The following SGCZ variants were observed in gnomAD, a reference collection of about 807,000 sequenced individuals.
SGCZ encodes the protein zeta-sarcoglycan.
A neutral mutation model predicts 41.3 loss-of-function variants in SGCZ; 40 were observed. That is an observed-to-expected ratio of 0.97 (90% CI 0.75 to 1.26). SGCZ has a LOEUF of 1.26. Ranked by LOEUF, SGCZ falls within the 50% of genes most tolerant of loss-of-function variation. SGCZ has a pLI of 0.00. For missense variants in SGCZ, 552 were observed against 369.8 expected (o/e 1.49, Z -4.04); for synonymous variants, 206 against 137.5 (o/e 1.50, Z -3.49).
rs545923340 is a variant in SGCZ at position 15,076,202 on chromosome 8, C to G, written c.39+161383G>C. Among the ~76,000 whole-genome samples the G allele has an allele frequency of 2.6e-5, 4 of 152,150 alleles. No individual in the cohort carries two copies. In the East Asian group the frequency reaches 7.8e-4, roughly 29 times the overall value. ...CATTCTTAGAAATTTTTCATGACTT[C>G]TATTTTTTGGCCAGTCTCAGAAATT... On this transcript the variant is annotated intron_variant, in intron 1 of 7. Coordinates refer to ENST00000382080, the MANE Select transcript of SGCZ (RefSeq NM_139167.4).
chr8:14,531,581 G>C (rs1012114737), intron 2 of SGCZ, among the ~76,000 whole-genome samples: 2 of 151,968 alleles, frequency 1.3e-5, no homozygotes, highest in African/African-American at 2.4e-5. Flanking sequence ...AAAAATGTAA[G>C]AATTCTAAAA....
chr8:14,664,515 G>C (rs1807846860), intron 1 of SGCZ, among the ~76,000 whole-genome samples: 1 of 152,120 alleles, frequency 6.6e-6, no homozygotes, highest in African/African-American at 2.4e-5. Context: ...ATTTCAACTA[G>C]GGAATCAAGA....
chr8:14,724,913 C>T (rs1253376835), intron 1 of SGCZ, among the ~76,000 whole-genome samples: 1 of 151,944 alleles, frequency 6.6e-6, no homozygotes, highest in South Asian at 2.1e-4. Flanking sequence ...CCATAGTCGC[C>T]CTATAGTGCT....
At chr8:14,864,536 T>C (rs1440088589) in intron 1 of SGCZ, among the ~76,000 whole-genome samples, 2 of 152,182 alleles carry the variant, frequency 1.3e-5, no homozygotes, top group African/African-American at 4.8e-5. Context: ...TAGAATCTTG[T>C]GTCCCGGTGA....
chr8:14,769,848 C>T (rs955399550), intron 1 of SGCZ, among the ~76,000 whole-genome samples: 10 of 114,702 alleles, frequency 8.7e-5, no homozygotes, highest in Admixed American at 3.9e-4. Flanking sequence ...GGCTCCACTT[C>T]TTGCTGGAAA....
intron 2 of SGCZ, among the ~76,000 whole-genome samples, chr8:14,514,741 A>G (rs1802564340): frequency 1.4e-5 from 2 of 147,574 alleles, no homozygotes; most frequent in African/African-American, 2.5e-5. Flanking sequence ...ACATATATGT[A>G]AATATATGTA....
chr8:14,208,729 AACTTG>A (rs1805699455), intron 4 of SGCZ, among the ~76,000 whole-genome samples: 1 of 152,188 alleles, frequency 6.6e-6, no homozygotes, highest in Admixed American at 6.5e-5. Flanking sequence ...TTATTTTTAA[AACTTG>A]ACTTAATAAT....
chr8:14,449,548 G>A (rs1008782875), intron 2 of SGCZ, among the ~76,000 whole-genome samples: 1 of 152,054 alleles, frequency 6.6e-6, no homozygotes, highest in Non-Finnish European at 1.5e-5. Context: ...GATATACTAA[G>A]GCTTTATATC....
At chr8:14,810,818 C>G (rs1028232644) in intron 1 of SGCZ, among the ~76,000 whole-genome samples, 1 of 151,956 alleles carries the variant, frequency 6.6e-6, no homozygotes, top group Non-Finnish European at 1.5e-5. Context: ...TGAAGAGACT[C>G]TTATTAAACA....
At chr8:14,242,191 T>G (rs181948921) in intron 3 of SGCZ, among the ~76,000 whole-genome samples, 2 of 152,194 alleles carry the variant, frequency 1.3e-5, no homozygotes, top group Admixed American at 1.3e-4. Flanking sequence ...GATATGGGTG[T>G]TTCAGGTAAG....
rs187684101 is a variant in SGCZ at position 14,986,259 on chromosome 8, T to C, written c.39+251326A>G. 9.2e-5 allele frequency among the ~76,000 whole-genome samples: 14 copies of C among 152,254 alleles called. No homozygotes were observed. In the East Asian group the frequency reaches 2.5e-3, roughly 27 times the overall value. On this transcript the variant is annotated intron_variant, in intron 1 of 7. Coordinates refer to ENST00000382080, the MANE Select transcript of SGCZ (RefSeq NM_139167.4). Reference sequence around the variant, plus strand: ...TACAGAACATTCTTAAGTTTGATATTACACATTATAGAAAACTCTTAATAT... The same window carrying C: ...TACAGAACATTCTTAAGTTTGATATCACACATTATAGAAAACTCTTAATAT...
chr8:15,025,727 G>C (rs116032756), intron 1 of SGCZ, among the ~76,000 whole-genome samples: 123 of 152,248 alleles, frequency 8.1e-4, no homozygotes, highest in African/African-American at 2.7e-3. Flanking sequence ...ATTAGTCTTA[G>C]AGCAATTTCT....
chr8:14,402,019 T>C (rs1424533340), intron 2 of SGCZ, among the ~76,000 whole-genome samples: 2 of 152,168 alleles, frequency 1.3e-5, no homozygotes, highest in Non-Finnish European at 2.9e-5. Flanking sequence ...GGTTTTGATT[T>C]GCATTTCTCT....
At chr8:14,765,513 T>A (rs1023192138) in intron 1 of SGCZ, among the ~76,000 whole-genome samples, 1 of 152,226 alleles carries the variant, frequency 6.6e-6, no homozygotes, top group Non-Finnish European at 1.5e-5. Context: ...TCCGTTCATA[T>A]ACAAATGCAC....
chr8:14,920,154 C>G (rs994351152), intron 1 of SGCZ, among the ~76,000 whole-genome samples: 1 of 152,038 alleles, frequency 6.6e-6, no homozygotes, highest in African/African-American at 2.4e-5. Flanking sequence ...GAAACAAAAA[C>G]TTGGAGTGCA....
chr8:14,454,300 G>A (rs890781238), intron 2 of SGCZ, among the ~76,000 whole-genome samples: 2 of 152,118 alleles, frequency 1.3e-5, no homozygotes, highest in Admixed American at 6.6e-5. Flanking sequence ...TAGGAACTGG[G>A]AAGACTTCAT....
intron 1 of SGCZ, among the ~76,000 whole-genome samples, chr8:14,908,762 AAGAG>A (rs919031055): frequency 2.7e-5 from 4 of 150,598 alleles, no homozygotes; most frequent in East Asian, 1.9e-4. Flanking sequence ...AAAAAAAAAA[AAGAG>A]AGAGAGATTC....
chr8:14,766,588 G>A (rs1224437049), intron 1 of SGCZ, among the ~76,000 whole-genome samples: 1 of 151,836 alleles, frequency 6.6e-6, no homozygotes, highest in Non-Finnish European at 1.5e-5. Context: ...TTTAGACAGT[G>A]TTTCATTCTG....
At chr8:14,976,028 T>A (rs6530819) in intron 1 of SGCZ, among the ~76,000 whole-genome samples, 75,630 of 143,920 alleles carry the variant, frequency 0.53, 20,335 homozygotes, top group African/African-American at 0.64. Context: ...ACATATATAT[T>A]TTTTTTTTTT....
Sources: allele counts gnomAD v4.1 joint callset (sites outside exome capture counted in the v4.1 genomes callset), GRCh38; gene constraint gnomAD v4.1.1; transcripts MANE v1.5; gene names NCBI Gene and HGNC (gene_info 2026-07-23, HGNC 2026-07-21).